TTC34: variants seen among roughly 807,000 people sequenced by gnomAD.
TTC34 encodes the protein tetratricopeptide repeat protein 34.
A neutral mutation model predicts 40.7 loss-of-function variants in TTC34; 44 were observed. The observed-to-expected ratio is 1.08, with a 90% confidence interval of 0.85 to 1.39. The LOEUF (loss-of-function observed/expected upper bound fraction) is 1.39. Ranked by LOEUF, TTC34 falls within the 40% of genes most tolerant of loss-of-function variation. TTC34 has a pLI of 0.00. For synonymous variants in TTC34, 422 were observed against 398.6 expected, an observed-to-expected ratio of 1.06 and a Z score of -0.70; for missense variants, 884 against 838.0, an observed-to-expected ratio of 1.05 and a Z score of -0.68.
At chr1:2,692,467 C>G (rs1347075215) in intron 6 of TTC34, among the ~76,000 whole-genome samples, 59 of 53,128 alleles carry the variant, frequency 1.1e-3, no homozygotes, top group South Asian at 1.6e-3. Flanking sequence ...CCCACACCCC[C>G]AGGTGAGCAT....
intron 6 of TTC34, among the ~76,000 whole-genome samples, chr1:2,687,052 G>A (rs1640393353): frequency 2.8e-5 from 4 of 143,724 alleles, no homozygotes; most frequent in African/African-American, 5.5e-5. Context: ...AACCCCAGGC[G>A]TGCATCCGAC....
exon 3 of TTC34, chr1:2,789,857 G>C (rs1352036709): frequency 2.3e-6 from 1 of 426,960 alleles, no homozygotes; most frequent in Admixed American, 4.4e-5. Context: ...GGCGTGCAGC[G>C]CGCAGAAGCC....
At chr1:2,684,557 C>G (rs1021312806) in intron 6 of TTC34, among the ~76,000 whole-genome samples, 1 of 141,600 alleles carries the variant, frequency 7.1e-6, no homozygotes, top group Admixed American at 7.0e-5. Flanking sequence ...GCTCCCACAA[C>G]CCCAGGTGAG....
intron 6 of TTC34, among the ~76,000 whole-genome samples, chr1:2,780,197 A>T (rs946582159): frequency 2.6e-5 from 4 of 152,194 alleles, no homozygotes; most frequent in Non-Finnish European, 5.9e-5. Context: ...TCCTTATCAG[A>T]TATGTGACTT....
chr1:2,752,384 T>C, intron 6 of TTC34, among the ~76,000 whole-genome samples: 1 of 129,638 alleles, frequency 7.7e-6, no homozygotes, highest in Non-Finnish European at 1.6e-5. Flanking sequence ...CAGGCGAGCA[T>C]CTGAGAGCAT....
intron 6 of TTC34, among the ~76,000 whole-genome samples, chr1:2,694,428 AC>A (rs1640768051): frequency 8.1e-6 from 1 of 123,632 alleles, no homozygotes; most frequent in African/African-American, 3.4e-5. Flanking sequence ...AAGCACCCAC[AC>A]CCCCAGGTGA....
intron 2 of TTC34, among the ~76,000 whole-genome samples, chr1:2,791,636 C>A (rs1475844200): frequency 6.6e-6 from 1 of 152,148 alleles, no homozygotes; most frequent in Non-Finnish European, 1.5e-5. Flanking sequence ...GTTCTGGTGG[C>A]CAAAGTAAAA....
intron 6 of TTC34, among the ~76,000 whole-genome samples, chr1:2,696,355 C>T (rs1640865158): frequency 1.4e-5 from 2 of 141,926 alleles, no homozygotes; most frequent in Admixed American, 7.3e-5. Flanking sequence ...ACAGCACCCA[C>T]ACCCCCAGGC....
rs1379599340 is a variant in TTC34 at position 2,752,350 on chromosome 1, C to G, written c.2226+31259G>C. On this transcript the variant is annotated intron_variant, in intron 6 of 8. Transcript: ENST00000401095. ...GCACACCCCCAGGTGAGCATCTGAC[C>G]GCCTGGAACAGCACCCACACCCCCA... 6.2e-4 allele frequency among the ~76,000 whole-genome samples: 10 copies of G among 16,030 alleles called. 1 individual carries two copies. Among genetic ancestry groups the G allele is most frequent in the South Asian group, 2.7e-3 (1 of 374 alleles). 10.5% of individuals were successfully genotyped at this position (16,030 alleles called of 152,430 possible).
At chr1:2,759,587 C>T (rs1218851125) in intron 6 of TTC34, among the ~76,000 whole-genome samples, 17 of 151,736 alleles carry the variant, frequency 1.1e-4, no homozygotes, top group African/African-American at 3.9e-4. Flanking sequence ...CAGCCTGGAA[C>T]AGCACCCACA....
intron 6 of TTC34, among the ~76,000 whole-genome samples, chr1:2,650,645 C>A (rs146106400): frequency 0.015 from 2,270 of 151,770 alleles, 25 homozygotes; most frequent in Non-Finnish European, 0.025. Flanking sequence ...TGTCTGAGAG[C>A]CTGCAACAGC....
At chr1:2,648,710 A>C (rs1361284485) in intron 6 of TTC34, among the ~76,000 whole-genome samples, 1 of 133,216 alleles carries the variant, frequency 7.5e-6, no homozygotes, top group Admixed American at 7.6e-5. Context: ...CCCCACACCC[A>C]CAGGTGAGCA....
In TTC34 at chr1:2,800,046, TG is replaced by T; in HGVS notation, c.781del (p.Gln261LysfsTer94). ...CAGGGGCCATGCCGTCCTCCTACCT[TG>T]GGGTTCGCTGCCGGTGGGATGGGCC... On this transcript the variant is annotated frameshift_variant, in exon 2 of 9. Transcript: ENST00000401095. LOFTEE classifies it high-confidence loss of function. 2.5e-6 allele frequency: 1 copy of T among 398,344 alleles called. No individual in the cohort carries two copies. The highest frequency in any genetic ancestry group is 4.4e-6 in the Non-Finnish European group (1 of 226,030). The allele number at this position is 398,344 out of a possible 1,614,324, so 24.7% of individuals were successfully genotyped here. A position where few individuals can be genotyped will look rare whatever the true frequency, so the allele number is the denominator to read the frequency against.
chr1:2,657,390 A>C (rs1639385690), intron 6 of TTC34, among the ~76,000 whole-genome samples: 1 of 93,958 alleles, frequency 1.1e-5, no homozygotes, highest in Non-Finnish European at 2.8e-5. Context: ...CCCCGAGGTG[A>C]GCATCTGACC....
intron 6 of TTC34, among the ~76,000 whole-genome samples, chr1:2,685,180 C>A (rs796126320): frequency 9.0e-6 from 1 of 111,550 alleles, no homozygotes; most frequent in Non-Finnish European, 1.9e-5. Flanking sequence ...CATCTGACTG[C>A]CTGGAACAGC....
chr1:2,782,723 G>C (rs146102387), intron 6 of TTC34, among the ~76,000 whole-genome samples: 10 of 152,202 alleles, frequency 6.6e-5, no homozygotes, highest in African/African-American at 2.2e-4. Context: ...ACTTCTCGAA[G>C]TGTGATTTCT....
chr1:2,686,881 C>T (rs1372451626), intron 6 of TTC34, among the ~76,000 whole-genome samples: 1 of 128,204 alleles, frequency 7.8e-6, no homozygotes, highest in South Asian at 2.4e-4. Context: ...GCAGCACCCA[C>T]ACCCCCTGAT....
chr1:2,784,778 C>G (rs1643552164), intron 5 of TTC34, among the ~76,000 whole-genome samples: 1 of 152,202 alleles, frequency 6.6e-6, no homozygotes, highest in South Asian at 2.1e-4. Flanking sequence ...ATCTCTATAT[C>G]TAATTTGTAT....
At chr1:2,753,372 A>C (rs1641391952) in intron 6 of TTC34, among the ~76,000 whole-genome samples, 1 of 129,064 alleles carries the variant, frequency 7.7e-6, no homozygotes, top group Admixed American at 7.9e-5. Context: ...AACAGCACCC[A>C]CACCCCCAGG....
Sources: allele counts gnomAD v4.1 joint callset (sites outside exome capture counted in the v4.1 genomes callset), GRCh38; gene constraint gnomAD v4.1.1; transcripts MANE v1.5; gene names NCBI Gene and HGNC (gene_info 2026-07-23, HGNC 2026-07-21).